SPOCK1: variants seen among roughly 807,000 people sequenced by gnomAD.
SPOCK1 encodes the protein testican-1.
A neutral mutation model predicts 55.3 loss-of-function variants in SPOCK1; 23 were observed. The observed-to-expected ratio is 0.42, with a 90% CI of 0.30 to 0.59. SPOCK1 has a LOEUF of 0.59. Ranked by LOEUF, SPOCK1 falls within the 20% of genes least tolerant of loss-of-function variation. The probability of loss-of-function intolerance (pLI) is 0.22; values close to 1 mark genes in which losing one functional copy is unlikely to be tolerated. For synonymous variants in SPOCK1, 226 were observed against 221.0 expected (o/e 1.02, Z -0.20); for missense variants, 499 against 552.5 (o/e 0.90, Z 0.97).
At chr5:137,425,924 G>A (rs760764840) in intron 2 of SPOCK1, among the ~76,000 whole-genome samples, 1 of 149,198 alleles carries the variant, frequency 6.7e-6, no homozygotes, top group African/African-American at 2.5e-5. Context: ...CCCCTTTGGG[G>A]TATGCATTCA....
At chr5:137,377,905 G>C (rs969244034) in intron 2 of SPOCK1, among the ~76,000 whole-genome samples, 1 of 148,922 alleles carries the variant, frequency 6.7e-6, no homozygotes, top group African/African-American at 2.5e-5. Context: ...CAAAGCAGGA[G>C]ACAGAGCTGG....
intron 2 of SPOCK1, among the ~76,000 whole-genome samples, chr5:137,274,153 G>A (rs899725470): frequency 2.0e-5 from 3 of 152,148 alleles, no homozygotes; most frequent in Non-Finnish European, 4.4e-5. Flanking sequence ...ATGGGCATAT[G>A]ATGCTCCATT....
chr5:137,151,359 T>C (rs983424480), intron 3 of SPOCK1, among the ~76,000 whole-genome samples: 1 of 152,144 alleles, frequency 6.6e-6, no homozygotes, highest in African/African-American at 2.4e-5. Context: ...TATATAAACT[T>C]GTATAGAAGA....
At chr5:137,102,795 G>A (rs1456191178) in intron 5 of SPOCK1, among the ~76,000 whole-genome samples, 1 of 152,068 alleles carries the variant, frequency 6.6e-6, no homozygotes, top group African/African-American at 2.4e-5. Flanking sequence ...TACCTTACAG[G>A]TTTACTGTGA....
At chr5:137,027,106 C>G (rs3900340) in intron 6 of SPOCK1, among the ~76,000 whole-genome samples, 10 of 152,084 alleles carry the variant, frequency 6.6e-5, no homozygotes, top group Non-Finnish European at 1.2e-4. Context: ...GTCAAAATAC[C>G]TAGAGGACAA....
chr5:137,015,407 G>C (rs62387880), intron 6 of SPOCK1, among the ~76,000 whole-genome samples: 48 of 152,148 alleles, frequency 3.2e-4, no homozygotes, highest in African/African-American at 1.1e-3. Flanking sequence ...AAGAGATTGC[G>C]CCACTGCACT....
At chr5:137,160,616 TATATATTTTATATA>T (rs1754528049) in intron 3 of SPOCK1, among the ~76,000 whole-genome samples, 1 of 58,982 alleles carries the variant, frequency 1.7e-5, no homozygotes, top group African/African-American at 8.6e-5. Context: ...TAATATATAA[TATATATTTTATATA>T]ATATATAATA....
At chr5:137,134,921 C>T (rs539957308) in intron 4 of SPOCK1, among the ~76,000 whole-genome samples, 3 of 152,308 alleles carry the variant, frequency 2.0e-5, no homozygotes, top group South Asian at 2.1e-4. Flanking sequence ...ACTCTCAGAT[C>T]GGTCTACTGT....
At chr5:137,203,346 T>C (rs1313347321) in intron 3 of SPOCK1, among the ~76,000 whole-genome samples, 1 of 151,968 alleles carries the variant, frequency 6.6e-6, no homozygotes, top group African/African-American at 2.4e-5. Flanking sequence ...TCTTCACTGA[T>C]AAGGTTCACG....
At chr5:137,367,034 TC>T (rs1471924757) in intron 2 of SPOCK1, among the ~76,000 whole-genome samples, 2 of 152,220 alleles carry the variant, frequency 1.3e-5, no homozygotes, top group Non-Finnish European at 2.9e-5. Flanking sequence ...TGGCAGTGAT[TC>T]CAGTGTTTTT....
chr5:137,151,352 A>G (rs776735724), intron 3 of SPOCK1, among the ~76,000 whole-genome samples: 1 of 152,206 alleles, frequency 6.6e-6, no homozygotes, highest in Non-Finnish European at 1.5e-5. Context: ...CAAAATGTAT[A>G]TAAACTTGTA....
At chr5:137,219,060 C>G (rs1755796601) in intron 3 of SPOCK1, among the ~76,000 whole-genome samples, 1 of 152,176 alleles carries the variant, frequency 6.6e-6, no homozygotes, top group African/African-American at 2.4e-5. Flanking sequence ...ACAAAGCTCT[C>G]TTCCCTAGGA....
At chr5:137,162,508 C>T (rs1212270958) in intron 3 of SPOCK1, among the ~76,000 whole-genome samples, 6 of 152,048 alleles carry the variant, frequency 3.9e-5, no homozygotes, top group African/African-American at 1.4e-4. Flanking sequence ...TTCCCTTTCC[C>T]TGCCTCGGTA....
chr5:137,424,114 G>A (rs1156639684), intron 2 of SPOCK1, among the ~76,000 whole-genome samples: 2 of 151,870 alleles, frequency 1.3e-5, no homozygotes, highest in African/African-American at 2.4e-5. Context: ...GCATGGTGGC[G>A]CACACCTGTA....
At chr5:137,410,547 A>G (rs1561528292) in intron 2 of SPOCK1, among the ~76,000 whole-genome samples, 1 of 152,236 alleles carries the variant, frequency 6.6e-6, no homozygotes, top group Non-Finnish European at 1.5e-5. Context: ...ATTATTCCAA[A>G]CAAGTTCCGT....
intron 3 of SPOCK1, among the ~76,000 whole-genome samples, chr5:137,159,887 T>A (rs940641812): frequency 6.6e-6 from 1 of 152,158 alleles, no homozygotes; most frequent in African/African-American, 2.4e-5. Flanking sequence ...TTTACTTTAA[T>A]TTTTTTGCCA....
chr5:137,151,941 T>A (rs895305617), intron 3 of SPOCK1, among the ~76,000 whole-genome samples: 8 of 152,240 alleles, frequency 5.3e-5, no homozygotes, highest in Admixed American at 1.3e-4. Flanking sequence ...ATTTGAAGAC[T>A]ATTCATTTCC....
At chr5:137,390,857 G>A (rs995374617) in intron 2 of SPOCK1, among the ~76,000 whole-genome samples, 4 of 152,196 alleles carry the variant, frequency 2.6e-5, no homozygotes, top group Admixed American at 6.5e-5. Context: ...GTGGCAAATG[G>A]AACAGAGCTG....
intron 2 of SPOCK1, among the ~76,000 whole-genome samples, chr5:137,434,545 T>G (rs1201252909): frequency 7.6e-6 from 1 of 132,090 alleles, no homozygotes; most frequent in Non-Finnish European, 1.6e-5. Flanking sequence ...CAGGCTGCAG[T>G]GCATGGTGCG....
Sources: gnomAD v4.1 joint callset for allele counts (sites outside exome capture counted in the v4.1 genomes callset) on GRCh38, gnomAD v4.1.1 for gene constraint, MANE v1.5 for transcripts, NCBI Gene and HGNC (gene_info 2026-07-23, HGNC 2026-07-21) for gene names.